The following PACS1 variants were observed in gnomAD, a reference collection of about 807,000 sequenced individuals.
The protein encoded by PACS1 is PACS-1.
Under a neutral mutation model 115.0 loss-of-function variants are expected in PACS1, and 24 were observed. The ratio of observed to expected loss-of-function variants is 0.21; its 90% CI spans 0.15 to 0.29. The LOEUF (loss-of-function observed/expected upper bound fraction) is 0.29, where lower values mean the gene tolerates loss of function less well. Ranked by LOEUF, PACS1 falls within the 10% of genes least tolerant of loss-of-function variation. The pLI is 1.00. For missense variants in PACS1, 838 were observed against 1,251.2 expected (o/e 0.67, Z 4.98); for synonymous variants, 453 against 504.5 (o/e 0.90, Z 1.37).
At chr11:66,091,532 T>C (rs1226556770) in intron 1 of PACS1, among the ~76,000 whole-genome samples, 2 of 151,542 alleles carry the variant, frequency 1.3e-5, no homozygotes, top group Non-Finnish European at 2.9e-5. Flanking sequence ...TCTTTTATTA[T>C]TATTATACTT....
chr11:66,227,569 T>C lies in PACS1; in HGVS notation c.1359T>C (p.Thr453=), dbSNP rs1363499162. 4 of 1,608,268 alleles carry C rather than the reference T, an allele frequency of 2.5e-6. No individual in the cohort carries two copies. The South Asian group carries it at 4.4e-5, about 18-fold the overall frequency. ...TTAAAAACCAAGATGACAGCTTGACTGAAACAGACACTCTGGTATGTATGG... is the reference window on the plus strand; with the variant it reads ...TTAAAAACCAAGATGACAGCTTGACCGAAACAGACACTCTGGTATGTATGG... The part of the protein sequence containing the change: ...TWIKNQDDSL[T]ETDTLEITDQ... Residue 453 remains threonine, a synonymous_variant, in exon 11 of 24, where the codon ACT becomes ACC. Coordinates refer to ENST00000320580, the MANE Select transcript of PACS1 (RefSeq NM_018026.4).
chr11:66,107,200 G>GC (rs1447060936), intron 1 of PACS1, among the ~76,000 whole-genome samples: 1 of 152,126 alleles, frequency 6.6e-6, no homozygotes, highest in Non-Finnish European at 1.5e-5. Context: ...CTCCCTTGCA[G>GC]CCACGCAGGC....
chr11:66,234,053 AGGCCGT>A (rs1258964592), intron 16 of PACS1, 73 bp from the exon 17 acceptor site: 5 of 1,538,210 alleles, frequency 3.3e-6, no homozygotes, highest in Non-Finnish European at 4.5e-6. Context: ...AAGGAGACCA[AGGCCGT>A]GGCCAGGGAC....
chr11:66,096,213 T>C (rs1488857980), intron 1 of PACS1, among the ~76,000 whole-genome samples: 4 of 34,118 alleles, frequency 1.2e-4, no homozygotes, highest in South Asian at 1.7e-3. Context: ...TTCTTTCTTT[T>C]TTTTTTTTTT....
intron 1 of PACS1, among the ~76,000 whole-genome samples, chr11:66,175,706 G>A (rs189314726): frequency 6.6e-6 from 1 of 152,178 alleles, no homozygotes; most frequent in Admixed American, 6.5e-5. Context: ...GAGCCAGGGT[G>A]GTGTCACCTT....
rs75483027 is a variant in PACS1, at chr11:66,116,935, T to C, written c.356+46093T>C. Reference sequence around the variant, plus strand: ...CTCAGATTCTAGTTGGGGAGACATATACTAAATAAGATAACACAAATAAAG... The same window carrying C: ...CTCAGATTCTAGTTGGGGAGACATACACTAAATAAGATAACACAAATAAAG... On this transcript the variant is annotated intron_variant, in intron 1 of 23. Transcript: ENST00000320580. 4.8e-3 allele frequency among the ~76,000 whole-genome samples: 724 copies of C among 151,576 alleles called. 13 individuals carry two copies. Among genetic ancestry groups the C allele is most frequent in the African/African-American group, 0.016 (667 of 41,220 alleles).
At chr11:66,150,047 C>T (rs189059333) in intron 1 of PACS1, among the ~76,000 whole-genome samples, 1 of 152,274 alleles carries the variant, frequency 6.6e-6, no homozygotes, top group African/African-American at 2.4e-5. Flanking sequence ...CCACGCTCGG[C>T]CAAAACTGAT....
chr11:66,211,472 A>C (rs551591723), intron 4 of PACS1, among the ~76,000 whole-genome samples: 12 of 152,382 alleles, frequency 7.9e-5, no homozygotes, highest in Non-Finnish European at 1.6e-4. Flanking sequence ...ATTTTTAAAC[A>C]GGTAAAACTC....
intron 19 of PACS1, chr11:66,238,393 C>T: frequency 1.0e-6 from 1 of 962,186 alleles, no homozygotes; most frequent in Non-Finnish European, 1.3e-6. Context: ...CAAAGTCTCG[C>T]ATGCCCCATC....
chr11:66,212,594 G>C (rs1855101888), intron 4 of PACS1, among the ~76,000 whole-genome samples: 1 of 151,920 alleles, frequency 6.6e-6, no homozygotes, highest in Admixed American at 6.6e-5. Context: ...TGGTTAACAT[G>C]GAGTCTGCAG....
At chr11:66,168,038 T>G (rs1293504624) in intron 1 of PACS1, among the ~76,000 whole-genome samples, 1 of 150,386 alleles carries the variant, frequency 6.6e-6, no homozygotes, top group Non-Finnish European at 1.5e-5. Flanking sequence ...GCATCCCAAG[T>G]AACTGGATGC....
At chr11:66,221,878 G>A (rs1462818958) in intron 10 of PACS1, among the ~76,000 whole-genome samples, 1 of 152,164 alleles carries the variant, frequency 6.6e-6, no homozygotes, top group African/African-American at 2.4e-5. Context: ...CTCTTTGGGA[G>A]GCCAGGGCGG....
At chr11:66,219,627 C>T (rs1855294964) in intron 7 of PACS1, 119 bp from the exon 8 acceptor site, 6 of 814,896 alleles carry the variant, frequency 7.4e-6, no homozygotes, top group Non-Finnish European at 1.3e-5. Flanking sequence ...AGACCAAGTC[C>T]TCCAGTCTTC....
At chr11:66,085,921 A>C (rs1215873920) in intron 1 of PACS1, among the ~76,000 whole-genome samples, 1 of 152,228 alleles carries the variant, frequency 6.6e-6, no homozygotes, top group Non-Finnish European at 1.5e-5. Context: ...ATTTGTGTGA[A>C]TATGACACCT....
At chr11:66,218,978 A>G (rs574312818) in intron 7 of PACS1, among the ~76,000 whole-genome samples, 1 of 152,190 alleles carries the variant, frequency 6.6e-6, no homozygotes, top group Admixed American at 6.5e-5. Flanking sequence ...GGCTAGAAAC[A>G]GGCAGACCCA....
chr11:66,132,250 C>G (rs754963605), intron 1 of PACS1, among the ~76,000 whole-genome samples: 2 of 152,152 alleles, frequency 1.3e-5, no homozygotes, highest in Admixed American at 6.5e-5. Context: ...TTCCTGCGCT[C>G]TCACACACCT....
Position 66,197,332 on chromosome 11 carries a change from GT to G in PACS1, c.444+3765del, listed in dbSNP as rs1164495815. 3.9e-5 allele frequency among the ~76,000 whole-genome samples: 6 copies of G among 152,124 alleles called. No individual in the cohort carries two copies. The East Asian group carries it at 1.2e-3, about 29-fold the overall frequency. On this transcript the variant is annotated intron_variant, in intron 2 of 23. Transcript: ENST00000320580. The stretch of plus-strand genomic sequence containing the variant: ...ATTAAATTCGACTTCAGATTTCCTA[GT>G]TTTTTCATTAACGTTCTTTTTCTGT...
intron 1 of PACS1, among the ~76,000 whole-genome samples, chr11:66,169,043 G>A (rs947464955): frequency 6.7e-6 from 1 of 149,888 alleles, no homozygotes; most frequent in Non-Finnish European, 1.5e-5. Flanking sequence ...GCTTTTAGCT[G>A]AACAGCCTTC....
At chr11:66,242,060 C>T (rs1470431147) in intron 22 of PACS1, among the ~76,000 whole-genome samples, 2 of 152,182 alleles carry the variant, frequency 1.3e-5, no homozygotes, top group Non-Finnish European at 2.9e-5. Flanking sequence ...CCAAAGAGGC[C>T]TCATGAGCAA....
Sources: gnomAD v4.1 joint callset for allele counts (sites outside exome capture counted in the v4.1 genomes callset) on GRCh38, gnomAD v4.1.1 for gene constraint, MANE v1.5 for transcripts, NCBI Gene and HGNC (gene_info 2026-07-23, HGNC 2026-07-21) for gene names.